Variants in DRC8 observed in about 807,000 individuals in gnomAD.
DRC8 encodes the protein dynein regulatory complex subunit 8.
At chr1:245,017,360 A>G in the DRC8 span, 1 of 1,561,116 alleles carries the variant, frequency 6.4e-7, no homozygotes, top group East Asian at 2.3e-5. Flanking sequence ...TTACACTTTT[A>G]AATTACTGAT....
At chr1:244,987,064 G>C in the DRC8 span, among the ~76,000 whole-genome samples, 2 of 152,144 alleles carry the variant, frequency 1.3e-5, no homozygotes, top group Admixed American at 1.3e-4. Context: ...GCACTGATCT[G>C]TTGTGATTTA....
chr1:245,120,314 C>T, the DRC8 span, among the ~76,000 whole-genome samples: 1 of 152,306 alleles, frequency 6.6e-6, no homozygotes, highest in South Asian at 2.1e-4. Context: ...CACTAAGCAA[C>T]AGGTCCCATA....
At chr1:245,075,373 C>T in the DRC8 span, among the ~76,000 whole-genome samples, 1 of 152,160 alleles carries the variant, frequency 6.6e-6, no homozygotes, top group Non-Finnish European at 1.5e-5. Flanking sequence ...TTGCCACATG[C>T]TTTGAGGCTG....
chr1:244,995,026 A>C, the DRC8 span, among the ~76,000 whole-genome samples: 2 of 152,002 alleles, frequency 1.3e-5, no homozygotes, highest in Non-Finnish European at 2.9e-5. Context: ...CCTTTAGGTT[A>C]TCTCTCCTCT....
At chr1:245,076,880 C>T in the DRC8 span, among the ~76,000 whole-genome samples, 1 of 152,096 alleles carries the variant, frequency 6.6e-6, no homozygotes, top group Non-Finnish European at 1.5e-5. Flanking sequence ...GTGCACACCA[C>T]CATGTCCAGC....
At chr1:245,066,207 A>G in the DRC8 span, among the ~76,000 whole-genome samples, 1 of 152,156 alleles carries the variant, frequency 6.6e-6, no homozygotes, top group African/African-American at 2.4e-5. Context: ...TGCAATTTTA[A>G]TAAGGTTTGA....
chr1:245,071,222 C>T, the DRC8 span, among the ~76,000 whole-genome samples: 1 of 152,178 alleles, frequency 6.6e-6, no homozygotes, highest in Non-Finnish European at 1.5e-5. Context: ...GGGGTCAAGG[C>T]TGGAAGACTT....
chr1:245,023,669 A>G, the DRC8 span, among the ~76,000 whole-genome samples: 1 of 152,118 alleles, frequency 6.6e-6, no homozygotes, highest in African/African-American at 2.4e-5. Flanking sequence ...GTAATATTGA[A>G]CATCTTTTCA....
chr1:245,104,665 C>G, the DRC8 span, among the ~76,000 whole-genome samples: 1 of 152,262 alleles, frequency 6.6e-6, no homozygotes, highest in African/African-American at 2.4e-5. Context: ...AAAACAAATT[C>G]TAGACATCAC....
At chr1:244,988,191 T>A in the DRC8 span, among the ~76,000 whole-genome samples, 1 of 152,144 alleles carries the variant, frequency 6.6e-6, no homozygotes, top group East Asian at 1.9e-4. Context: ...AATTTATTAT[T>A]TTTTTAAATG....
chr1:245,065,100 A>G, the DRC8 span, among the ~76,000 whole-genome samples: 6 of 71,806 alleles, frequency 8.4e-5, no homozygotes, highest in Middle Eastern at 9.3e-3. Context: ...TTTTTTTTGT[A>G]TTTTTAGTAG....
the DRC8 span, among the ~76,000 whole-genome samples, chr1:244,976,252 G>C: frequency 6.6e-6 from 1 of 152,020 alleles, no homozygotes; most frequent in East Asian, 1.9e-4. Flanking sequence ...CCAGGCAACA[G>C]AGCAAGACTC....
chr1:244,995,638 C>T, the DRC8 span, among the ~76,000 whole-genome samples: 6 of 152,156 alleles, frequency 3.9e-5, no homozygotes, highest in African/African-American at 1.2e-4. Context: ...CATGAGACAC[C>T]GAGCCCACCC....
chr1:245,041,605 C>T, the DRC8 span, among the ~76,000 whole-genome samples: 3 of 151,998 alleles, frequency 2.0e-5, no homozygotes, highest in Admixed American at 2.0e-4. Context: ...CCTCCAAATT[C>T]GTGTTTTAAA....
At chr1:245,105,695 T>C in the DRC8 span, among the ~76,000 whole-genome samples, 66 of 152,282 alleles carry the variant, frequency 4.3e-4, no homozygotes, top group African/African-American at 1.5e-3. Flanking sequence ...TTCGGCTTCT[T>C]TGAAATACTG....
the DRC8 span, among the ~76,000 whole-genome samples, chr1:244,973,921 G>C: frequency 6.6e-6 from 1 of 152,164 alleles, no homozygotes; most frequent in Non-Finnish European, 1.5e-5. Context: ...CGTTGAAGTT[G>C]TTATACTTAT....
chr1:245,110,574 A>G, the DRC8 span, among the ~76,000 whole-genome samples: 825 of 152,386 alleles, frequency 5.4e-3, 11 homozygotes, highest in African/African-American at 0.019. Flanking sequence ...AATGGACCAC[A>G]GACAGATGGC....
chr1:245,087,509 G>T, the DRC8 span: 1 of 1,366,010 alleles, frequency 7.3e-7, no homozygotes, highest in African/African-American at 1.5e-5. Context: ...AAAGATGATC[G>T]TAACACTTTA....
the DRC8 span, among the ~76,000 whole-genome samples, chr1:245,003,149 T>C: frequency 2.0e-5 from 3 of 152,264 alleles, no homozygotes; most frequent in African/African-American, 7.2e-5. Flanking sequence ...CTAAGTAATA[T>C]ACCATTGTAT....
Sources: gnomAD v4.1 joint callset for allele counts (sites outside exome capture counted in the v4.1 genomes callset) on GRCh38, gnomAD v4.1.1 for gene constraint, MANE v1.5 for transcripts, NCBI Gene and HGNC (gene_info 2026-07-23, HGNC 2026-07-21) for gene names.